The following LIMA1 variants were observed in gnomAD, a reference collection of about 807,000 sequenced individuals.
LIMA1 encodes the protein LIM domain and actin binding 1, also known as LIM domain and actin-binding protein 1.
In LIMA1, 52 loss-of-function variants were observed where a neutral mutation model predicts 62.6. The ratio of observed to expected loss-of-function variants is 0.83; its 90% CI spans 0.67 to 1.05. The LOEUF (loss-of-function observed/expected upper bound fraction) is 1.05. Among genes scored for constraint, LIMA1 ranks in the 50% least tolerant of loss-of-function variants. LIMA1 has a pLI of 0.00. For missense variants in LIMA1, 780 were observed against 902.2 expected (o/e 0.86, Z 1.74); for synonymous variants, 302 against 317.8 (o/e 0.95, Z 0.53).
Position 50,177,098 on chromosome 12 carries a change from T to C in LIMA1, c.2246A>G (p.Asn749Ser). The C allele has an allele frequency of 6.3e-7, 1 of 1,596,038 alleles. No homozygotes were observed. The highest frequency in any genetic ancestry group is 1.1e-5 in the South Asian group (1 of 87,230). ...ELSVEEQIKRNRYYDEDEDEE is the reference protein window; with the variant it reads ...ELSVEEQIKRSRYYDEDEDEE Reference sequence around the variant, plus strand: ...ATCCTCATCCTCATCATAATACCGATTTCTCTTTATCTGTTCTTCCACAGA... The same window carrying C: ...ATCCTCATCCTCATCATAATACCGACTTCTCTTTATCTGTTCTTCCACAGA... Residue 749 changes from asparagine to serine, a missense_variant, in exon 11 of 11, where the codon AAT becomes AGT. Coordinates refer to ENST00000341247, the MANE Select transcript of LIMA1 (RefSeq NM_016357.5).
chr12:50,198,663 G>C lies in LIMA1; in HGVS notation c.972+2114C>G, dbSNP rs559285394. On this transcript the variant is annotated intron_variant, in intron 7 of 10. Transcript: ENST00000341247. ...AGAATGGCGTCAAGGGTGTCAATAA[G>C]TGTAACAGAAGCAATGGCTTTTCTC... Among the ~76,000 whole-genome samples, 4 of 152,312 alleles carry C rather than the reference G, an allele frequency of 2.6e-5. No homozygotes were observed. In the South Asian group the frequency reaches 8.3e-4, roughly 32 times the overall value.
At chr12:50,200,631 A>T (rs1941028633) in intron 7 of LIMA1, 146 bp downstream of exon 7, 1 of 833,316 alleles carries the variant, frequency 1.2e-6, no homozygotes. Flanking sequence ...AAATTATGTG[A>T]CCTGCAAAAA....
intron 2 of LIMA1, among the ~76,000 whole-genome samples, chr12:50,241,835 C>T (rs1941779949): frequency 6.9e-6 from 1 of 144,650 alleles, no homozygotes; most frequent in Admixed American, 7.2e-5. Flanking sequence ...GTGAAGGACA[C>T]AAAATGGGGG....
chr12:50,222,011 C>G lies in LIMA1; in HGVS notation c.630+10G>C. 6.3e-7 allele frequency: 1 copy of G among 1,596,532 alleles called. No homozygotes were observed. The highest frequency in any genetic ancestry group is 8.5e-7 in the Non-Finnish European group (1 of 1,171,326). ...GGCTTTCTCAAGTTTCAAACCCGCC[C>G]AATTCTTACCTTAGTTTGAGTTGGT... On this transcript the variant is annotated intron_variant, in intron 4 of 10. Coordinates refer to ENST00000341247, the MANE Select transcript of LIMA1 (RefSeq NM_016357.5).
At chr12:50,283,218 C>G (rs1170670650) in intron 1 of LIMA1, among the ~76,000 whole-genome samples, 1 of 151,160 alleles carries the variant, frequency 6.6e-6, no homozygotes, top group East Asian at 2.0e-4. Context: ...AGGCTCAGCC[C>G]GACATAAGCA....
chr12:50,222,646 C>T (rs769143746), intron 3 of LIMA1, 161 bp from the exon 4 acceptor site: 7 of 1,529,794 alleles, frequency 4.6e-6, no homozygotes, highest in African/African-American at 1.4e-5. Context: ...GAGAAAGCAT[C>T]CACCCGGCAG....
rs920651536 is a variant in LIMA1, at chr12:50,201,484, A to G, written c.865-600T>C. 28 of 982,686 alleles carry G rather than the reference A, an allele frequency of 2.8e-5. No individual in the cohort carries two copies. The African/African-American group carries it at 4.7e-4, about 17-fold the overall frequency. 60.9% of individuals were successfully genotyped at this position (982,686 alleles called of 1,614,324 possible). ...CATAATTTATTTTACTTCTCAAAACAGAGCCTCAACATAAAAGAACATGCA... is the reference window on the plus strand; with the variant it reads ...CATAATTTATTTTACTTCTCAAAACGGAGCCTCAACATAAAAGAACATGCA... On this transcript the variant is annotated intron_variant, in intron 6 of 10. Transcript: ENST00000341247.
intron 9 of LIMA1, chr12:50,190,056 C>T (rs1414485407): frequency 1.8e-5 from 2 of 108,768 alleles, no homozygotes; most frequent in African/African-American, 7.3e-5. Context: ...CTCACTCTGT[C>T]ACACAGGCTG....
At chr12:50,231,172 C>T (rs1265135072) in intron 3 of LIMA1, among the ~76,000 whole-genome samples, 1 of 152,116 alleles carries the variant, frequency 6.6e-6, no homozygotes, top group Non-Finnish European at 1.5e-5. Context: ...CGGGTAGAAG[C>T]AGAGAGTTTA....
chr12:50,201,264 AAGGAG>A, intron 6 of LIMA1: 1 of 1,016,700 alleles, frequency 9.8e-7, no homozygotes, highest in Non-Finnish European at 1.2e-6. Flanking sequence ...GAGCAGGGGA[AAGGAG>A]ATGCCAAGTG....
intron 9 of LIMA1, chr12:50,189,766 C>G (rs1403860078): frequency 3.3e-5 from 5 of 152,316 alleles, no homozygotes; most frequent in African/African-American, 1.2e-4. Flanking sequence ...GGCTGGAGTA[C>G]AGTGGCGCGA....
chr12:50,263,859 A>ATG (rs1333166427), intron 1 of LIMA1, among the ~76,000 whole-genome samples: 42 of 74,890 alleles, frequency 5.6e-4, no homozygotes, highest in African/African-American at 1.9e-3. Context: ...TATAGAGAGT[A>ATG]TATATATATA....
Position 50,240,051 on chromosome 12 carries a change from CATAACATAAA to C in LIMA1, c.120-8351_120-8342del, listed in dbSNP as rs1475631842. Among the ~76,000 whole-genome samples, 951 of 136,888 alleles carry C rather than the reference CATAACATAAA, an allele frequency of 6.9e-3. 13 individuals are homozygous for C. Among genetic ancestry groups the C allele is most frequent in the African/African-American group, 0.026 (909 of 34,916 alleles). 89.8% of individuals were successfully genotyped at this position (136,888 alleles called of 152,430 possible). A position where few individuals can be genotyped will look rare whatever the true frequency, so the allele number is the denominator to read the frequency against. ...CATAACATAACATAACATAACATAA[CATAACATAAA>C]ATAAAAAATTTTTAAAAGGAGCGCC... On this transcript the variant is annotated intron_variant, in intron 2 of 10. Coordinates refer to ENST00000341247, the MANE Select transcript of LIMA1 (RefSeq NM_016357.5).
intron 4 of LIMA1, among the ~76,000 whole-genome samples, chr12:50,212,107 A>T (rs1941267772): frequency 6.6e-6 from 1 of 152,254 alleles, no homozygotes; most frequent in Admixed American, 6.5e-5. Flanking sequence ...TTTAGACAGT[A>T]GTCTGTAGAA....
At chr12:50,273,128 T>C (rs1280074966) in intron 1 of LIMA1, among the ~76,000 whole-genome samples, 1 of 151,960 alleles carries the variant, frequency 6.6e-6, no homozygotes, top group Non-Finnish European at 1.5e-5. Context: ...CTAATTTTTG[T>C]AATTTTAGTA....
chr12:50,218,907 A>C (rs1436619709), intron 4 of LIMA1, among the ~76,000 whole-genome samples: 4 of 138,650 alleles, frequency 2.9e-5, no homozygotes, highest in African/African-American at 5.7e-5. Flanking sequence ...AAAAAAAAAA[A>C]AACAAAAACA....
chr12:50,238,290 T>G (rs577810498), intron 2 of LIMA1, among the ~76,000 whole-genome samples: 39 of 152,176 alleles, frequency 2.6e-4, no homozygotes, highest in Non-Finnish European at 5.1e-4. Flanking sequence ...GCGGATCATG[T>G]GAGGTCAGGA....
chr12:50,223,285 C>A (rs1261421704), intron 3 of LIMA1, among the ~76,000 whole-genome samples: 4 of 151,520 alleles, frequency 2.6e-5, no homozygotes, highest in Non-Finnish European at 5.9e-5. Flanking sequence ...GAGTTTGAGA[C>A]CAGCCAGACC....
chr12:50,274,096 C>T (rs1473924366), intron 1 of LIMA1, among the ~76,000 whole-genome samples: 2 of 152,126 alleles, frequency 1.3e-5, no homozygotes, highest in African/African-American at 4.8e-5. Context: ...AGACTGCTAC[C>T]TGATTTGAAC....
Sources: allele counts gnomAD v4.1 joint callset (sites outside exome capture counted in the v4.1 genomes callset), GRCh38; gene constraint gnomAD v4.1.1; transcripts MANE v1.5; gene names NCBI Gene and HGNC (gene_info 2026-07-23, HGNC 2026-07-21).